ACSM6: variants seen among roughly 807,000 people sequenced by gnomAD.
The protein encoded by ACSM6 is acyl-coenzyme A synthetase ACSM6, mitochondrial.
Under a neutral mutation model 51.1 loss-of-function variants are expected in ACSM6, and 35 were observed. That is an observed-to-expected ratio of 0.69 (90% CI 0.52 to 0.91). The LOEUF (loss-of-function observed/expected upper bound fraction) is 0.91, where lower values mean the gene tolerates loss of function less well. ACSM6 is among the 40% of genes least tolerant of loss of function. The probability of loss-of-function intolerance (pLI) is 0.00; values close to 1 mark genes in which losing one functional copy is unlikely to be tolerated. For synonymous variants in ACSM6, 172 were observed against 207.3 expected (o/e 0.83, Z 1.46); for missense variants, 509 against 584.1 (o/e 0.87, Z 1.32).
intron 8 of ACSM6, among the ~76,000 whole-genome samples, chr10:95,215,381 T>C (rs1353169903): frequency 6.6e-6 from 1 of 152,214 alleles, no homozygotes; most frequent in Non-Finnish European, 1.5e-5. Context: ...AGAGCACATT[T>C]GAGGTTGGAG....
intron 10 of ACSM6, 29 bp from the exon 11 acceptor site, chr10:95,228,615 G>A (rs1335136596): frequency 6.5e-7 from 1 of 1,545,420 alleles, no homozygotes; most frequent in Non-Finnish European, 8.7e-7. Context: ...GGAAGTAAAT[G>A]TAGGTTTCTG....
chr10:95,215,046 A>G (rs594448), intron 8 of ACSM6, 71 bp downstream of exon 8: 821,911 of 1,516,422 alleles, frequency 0.54, 229,919 homozygotes, highest in Middle Eastern at 0.63. Flanking sequence ...CACACTGTCA[A>G]AGCACTAAGC....
At chr10:95,199,052 A>T (rs992349605) in intron 2 of ACSM6, among the ~76,000 whole-genome samples, 12 of 152,142 alleles carry the variant, frequency 7.9e-5, no homozygotes, top group Non-Finnish European at 1.6e-4. Context: ...AGTCAATCCT[A>T]AGCCAAAAGA....
intron 4 of ACSM6, among the ~76,000 whole-genome samples, chr10:95,209,389 T>C (rs1030375285): frequency 6.6e-6 from 1 of 152,040 alleles, no homozygotes; most frequent in Non-Finnish European, 1.5e-5. Context: ...TTGGAGGTCA[T>C]GTAGGAGTCG....
At chr10:95,218,951 G>T (rs2034969113) in intron 8 of ACSM6, among the ~76,000 whole-genome samples, 1 of 152,160 alleles carries the variant, frequency 6.6e-6, no homozygotes, top group African/African-American at 2.4e-5. Context: ...ACAGCAATAG[G>T]TACTGGAAAA....
exon 3 of ACSM6, chr10:95,202,189 C>A (rs201176783): frequency 6.4e-7 from 1 of 1,551,704 alleles, no homozygotes; most frequent in East Asian, 2.4e-5. Context: ...GGCCTGTGTG[C>A]GCTTGGGTGA....
intron 9 of ACSM6, among the ~76,000 whole-genome samples, chr10:95,220,566 G>A (rs561507964): frequency 2.6e-5 from 4 of 152,246 alleles, no homozygotes; most frequent in East Asian, 3.9e-4. Context: ...TTGCTTTCAC[G>A]CCTATCTCGC....
chr10:95,208,800 A>G (rs1373795273), intron 4 of ACSM6, among the ~76,000 whole-genome samples: 1 of 152,096 alleles, frequency 6.6e-6, no homozygotes, highest in African/African-American at 2.4e-5. Flanking sequence ...AGGGCTTAGT[A>G]CTATTGATGG....
chr10:95,203,346 T>G (rs889973686), intron 3 of ACSM6, among the ~76,000 whole-genome samples: 4 of 152,142 alleles, frequency 2.6e-5, no homozygotes, highest in Admixed American at 2.6e-4. Flanking sequence ...TCAATATATA[T>G]TACAATGTAA....
At chr10:95,209,653 G>A (rs999525169) in intron 4 of ACSM6, among the ~76,000 whole-genome samples, 3 of 152,168 alleles carry the variant, frequency 2.0e-5, no homozygotes, top group African/African-American at 4.8e-5. Flanking sequence ...TCCAGTGATC[G>A]AGGGAAATAA....
chr10:95,227,544 A>G (rs2035050262), intron 10 of ACSM6, among the ~76,000 whole-genome samples: 1 of 152,226 alleles, frequency 6.6e-6, no homozygotes, highest in African/African-American at 2.4e-5. Context: ...GACTGATAAC[A>G]CAACTTCAAT....
At chr10:95,215,005 A>G (rs1392581752) in intron 8 of ACSM6, 30 bp downstream of exon 8, 3 of 1,550,316 alleles carry the variant, frequency 1.9e-6, no homozygotes, top group Non-Finnish European at 8.7e-7. Flanking sequence ...CTATTTAGCC[A>G]GAAACCAAAC....
At chr10:95,225,260 A>G in intron 9 of ACSM6, 30 bp from the exon 10 acceptor site, 1 of 1,474,770 alleles carries the variant, frequency 6.8e-7, no homozygotes. Flanking sequence ...GTTTGTAAGG[A>G]AAATTCCTTT....
chr10:95,194,352 T>G, intron 1 of ACSM6, 49 bp downstream of exon 1: 1 of 801,816 alleles, frequency 1.2e-6, no homozygotes, highest in South Asian at 1.9e-5. Context: ...TGACTGTTGC[T>G]TGTACTCATA....
At chr10:95,226,176 A>T (rs1262400340) in intron 10 of ACSM6, 1 of 152,230 alleles carries the variant, frequency 6.6e-6, no homozygotes, top group East Asian at 1.9e-4. Context: ...TCTGCCGTGT[A>T]ACAATTTGAG....
intron 8 of ACSM6, among the ~76,000 whole-genome samples, chr10:95,215,600 G>A (rs1334305709): frequency 6.6e-6 from 1 of 152,214 alleles, no homozygotes; most frequent in Non-Finnish European, 1.5e-5. Flanking sequence ...GCTGATCAGA[G>A]AAGGAAGGGA....
At chr10:95,219,218 T>A (rs1038008037) in intron 8 of ACSM6, among the ~76,000 whole-genome samples, 10 of 152,224 alleles carry the variant, frequency 6.6e-5, no homozygotes, top group Admixed American at 2.0e-4. Flanking sequence ...CATTTATTAT[T>A]GAAAATCTCA....
chr10:95,203,845 G>A (rs1185923656), intron 3 of ACSM6, among the ~76,000 whole-genome samples: 5 of 145,798 alleles, frequency 3.4e-5, no homozygotes, highest in Admixed American at 2.7e-4. Context: ...CTGCTAACAG[G>A]GATGCTAGAT....
At chr10:95,223,520 T>C (rs956117300) in intron 9 of ACSM6, among the ~76,000 whole-genome samples, 1 of 151,946 alleles carries the variant, frequency 6.6e-6, no homozygotes, top group Admixed American at 6.6e-5. Flanking sequence ...AAATACAAAG[T>C]TGGTTCAAAC....
Sources: allele counts gnomAD v4.1 joint callset (sites outside exome capture counted in the v4.1 genomes callset), GRCh38; gene constraint gnomAD v4.1.1; transcripts MANE v1.5; gene names NCBI Gene and HGNC (gene_info 2026-07-23, HGNC 2026-07-21).